Variants in FGGY observed in about 807,000 individuals in gnomAD.
FGGY encodes the protein FGGY carbohydrate kinase domain-containing protein.
In FGGY, 72 loss-of-function variants were observed where a neutral mutation model predicts 71.3. The ratio of observed to expected loss-of-function variants is 1.01; its 90% CI spans 0.84 to 1.23. The LOEUF is 1.23. Ranked by LOEUF, FGGY falls within the 50% of genes most tolerant of loss-of-function variation. FGGY has a pLI of 0.00. For missense variants in FGGY, 668 were observed against 682.3 expected (o/e 0.98, Z 0.23); for synonymous variants, 251 against 250.3 (o/e 1.00, Z -0.02).
chr1:59,509,411 A>G (rs2094466587), intron 6 of FGGY, among the ~76,000 whole-genome samples: 1 of 152,150 alleles, frequency 6.6e-6, no homozygotes, highest in African/African-American at 2.4e-5. Flanking sequence ...GCACAAGTTT[A>G]ATCGCTTTCC....
At chr1:59,327,655 C>T (rs192072153) in intron 2 of FGGY, among the ~76,000 whole-genome samples, 9 of 152,308 alleles carry the variant, frequency 5.9e-5, no homozygotes, top group African/African-American at 2.2e-4. Flanking sequence ...AGAATGTTTT[C>T]AATTTACTTT....
chr1:59,442,025 C>T (rs577972415), intron 5 of FGGY, among the ~76,000 whole-genome samples: 1 of 152,150 alleles, frequency 6.6e-6, no homozygotes, highest in African/African-American at 2.4e-5. Flanking sequence ...GGTAGAGTTG[C>T]CCTCTTCCTC....
At chr1:59,442,474 C>G (rs2070175245) in intron 5 of FGGY, among the ~76,000 whole-genome samples, 1 of 151,984 alleles carries the variant, frequency 6.6e-6, no homozygotes, top group African/African-American at 2.4e-5. Flanking sequence ...TTTCCTTTCC[C>G]TCTTTTCCTG....
chr1:59,598,549 C>T (rs1483068646), intron 8 of FGGY, among the ~76,000 whole-genome samples: 1 of 152,146 alleles, frequency 6.6e-6, no homozygotes, highest in Non-Finnish European at 1.5e-5. Flanking sequence ...GGGTGACAGA[C>T]CTGCTCAGTG....
intron 7 of FGGY, 172 bp from the exon 8 acceptor site, chr1:59,553,952 A>G (rs1337382144): frequency 1.5e-5 from 7 of 478,090 alleles, no homozygotes; most frequent in South Asian, 1.4e-4. Flanking sequence ...GAGGTTTCCT[A>G]TGCAGGCAAG....
intron 5 of FGGY, among the ~76,000 whole-genome samples, chr1:59,401,693 T>C (rs1017167310): frequency 4.4e-4 from 67 of 152,230 alleles, no homozygotes; most frequent in African/African-American, 1.6e-3. Flanking sequence ...TATAGTCTTG[T>C]AAGCCACTCA....
At chr1:59,647,481 C>A (rs1463835098) in intron 11 of FGGY, among the ~76,000 whole-genome samples, 1 of 152,200 alleles carries the variant, frequency 6.6e-6, no homozygotes, top group Non-Finnish European at 1.5e-5. Context: ...TATTCTCTTA[C>A]AGTTCTTCAG....
chr1:59,659,401 G>T (rs2097254021), intron 11 of FGGY, among the ~76,000 whole-genome samples: 2 of 152,278 alleles, frequency 1.3e-5, no homozygotes, highest in Middle Eastern at 6.8e-3. Context: ...ACCTGGTTGA[G>T]CTCAGGACAA....
chr1:59,420,899 AT>A (rs145034206), intron 5 of FGGY, among the ~76,000 whole-genome samples: 26,074 of 151,790 alleles, frequency 0.17, 2,755 homozygotes, highest in East Asian at 0.36. Context: ...GGACATAAGT[AT>A]TTTTTGGGGG....
At chr1:59,393,306 T>A (rs1476668752) in intron 5 of FGGY, 1 of 152,340 alleles carries the variant, frequency 6.6e-6, no homozygotes, top group African/African-American at 2.4e-5. Context: ...TAGGTCAGTA[T>A]GTGGGGGAGG....
chr1:59,330,969 A>G (rs941805769), intron 2 of FGGY, among the ~76,000 whole-genome samples: 1 of 147,064 alleles, frequency 6.8e-6, no homozygotes, highest in Admixed American at 6.8e-5. Context: ...AGAGGCTGAG[A>G]TTTTTTTTTT....
chr1:59,337,074 A>C (rs571261425), intron 2 of FGGY, among the ~76,000 whole-genome samples: 4 of 142,998 alleles, frequency 2.8e-5, no homozygotes, highest in African/African-American at 1.1e-4. Flanking sequence ...TATATGAAAG[A>C]AAGTTTGTTA....
Position 59,607,089 on chromosome 1 carries a change from C to T in FGGY, c.904-714C>T, listed in dbSNP as rs538532448. ...ACAAATAGAAAACCTTAGTGACAAA[C>T]AACAGTAGACATTTATTTTTGCTCA... On this transcript the variant is annotated intron_variant, in intron 8 of 15. Coordinates refer to ENST00000303721, the MANE Select transcript of FGGY (RefSeq NM_018291.5). Among the ~76,000 whole-genome samples the T allele has an allele frequency of 1.3e-4, 20 of 152,320 alleles. No homozygotes were observed. The South Asian group carries it at 3.9e-3, about 30-fold the overall frequency.
At chr1:59,567,073 G>C (rs2095885796) in intron 8 of FGGY, among the ~76,000 whole-genome samples, 1 of 152,164 alleles carries the variant, frequency 6.6e-6, no homozygotes, top group South Asian at 2.1e-4. Flanking sequence ...GTTAGCAACT[G>C]TAAAGGTTTG....
intron 14 of FGGY, among the ~76,000 whole-genome samples, chr1:59,735,500 A>G (rs1277785353): frequency 1.3e-5 from 2 of 152,210 alleles, no homozygotes; most frequent in South Asian, 2.1e-4. Flanking sequence ...CATTTTCACC[A>G]TTGAATCCAC....
intron 14 of FGGY, among the ~76,000 whole-genome samples, chr1:59,697,289 A>G (rs1023321766): frequency 6.6e-5 from 10 of 152,174 alleles, no homozygotes; most frequent in African/African-American, 2.2e-4. Context: ...ACCACCATCC[A>G]TCTCCGGAAC....
Position 59,638,212 on chromosome 1 carries a change from T to G in FGGY, c.1074-16T>G, listed in dbSNP as rs780609909. 5.6e-6 allele frequency: 9 copies of G among 1,610,536 alleles called. No individual in the cohort carries two copies. Among genetic ancestry groups the G allele is most frequent in the Non-Finnish European group, 6.8e-6 (8 of 1,178,002 alleles). ...CCCTATCCCCCCTTTAAAAATAAAA[T>G]TCACTTCTCTTCCAGATGCCAGAGT... On this transcript the variant is annotated splice_polypyrimidine_tract_variant and intron_variant, in intron 10 of 15. Transcript: ENST00000303721.
chr1:59,579,076 A>G (rs1003826093), intron 8 of FGGY, among the ~76,000 whole-genome samples: 3 of 151,948 alleles, frequency 2.0e-5, no homozygotes, highest in African/African-American at 7.3e-5. Flanking sequence ...ACCCTTGACC[A>G]TTTGTTTCGG....
intron 9 of FGGY, among the ~76,000 whole-genome samples, chr1:59,617,435 C>T (rs1189835862): frequency 1.3e-5 from 2 of 152,002 alleles, no homozygotes; most frequent in African/African-American, 4.8e-5. Context: ...ATCTGGTTAT[C>T]CTCAGAATGA....
Sources: gnomAD v4.1 joint callset for allele counts (sites outside exome capture counted in the v4.1 genomes callset) on GRCh38, gnomAD v4.1.1 for gene constraint, MANE v1.5 for transcripts, NCBI Gene and HGNC (gene_info 2026-07-23, HGNC 2026-07-21) for gene names.